SORCS2: variants seen among roughly 807,000 people sequenced by gnomAD.
SORCS2 encodes VPS10 domain-containing receptor SorCS2.
SORCS2 carries 100 observed loss-of-function variants against 141.6 expected under a neutral mutation model. The ratio of observed to expected loss-of-function variants is 0.71; its 90% CI spans 0.60 to 0.83. SORCS2 has a LOEUF of 0.83. Among genes scored for constraint, SORCS2 ranks in the 40% least tolerant of loss-of-function variants. The pLI, the probability that SORCS2 is intolerant of heterozygous loss-of-function variation, is 0.00. For synonymous variants in SORCS2, 789 were observed against 676.9 expected, an observed-to-expected ratio of 1.17 and a Z score of -2.57; for missense variants, 1,646 against 1,560.2, an observed-to-expected ratio of 1.05 and a Z score of -0.93.
At chr4:7,432,663 G>C (rs973743353) in intron 2 of SORCS2, 4 of 151,788 alleles carry the variant, frequency 2.6e-5, no homozygotes, top group African/African-American at 9.7e-5. Context: ...GGAGAGAGAG[G>C]GACCCTGTAG....
At chr4:7,724,510 G>T (rs968874398) in intron 19 of SORCS2, among the ~76,000 whole-genome samples, 4 of 141,056 alleles carry the variant, frequency 2.8e-5, no homozygotes, top group African/African-American at 8.2e-5. Context: ...AATGGTGGTG[G>T]TGATGGTGGT....
At chr4:7,291,360 C>T (rs943705639) in intron 1 of SORCS2, among the ~76,000 whole-genome samples, 2 of 152,130 alleles carry the variant, frequency 1.3e-5, no homozygotes, top group African/African-American at 4.8e-5. Context: ...GAGGAGTCCA[C>T]GCCTGGCCCA....
chr4:7,733,130 C>T (rs1353599574), intron 23 of SORCS2, among the ~76,000 whole-genome samples, 192 bp from the exon 24 acceptor site: 3 of 150,370 alleles, frequency 2.0e-5, no homozygotes, highest in Admixed American at 6.6e-5. Flanking sequence ...AGGGCCCTTC[C>T]TCCCCTTTCA....
intron 2 of SORCS2, among the ~76,000 whole-genome samples, chr4:7,400,520 T>C (rs1279680552): frequency 1.3e-5 from 2 of 151,910 alleles, no homozygotes; most frequent in African/African-American, 2.4e-5. Flanking sequence ...GATGCGAGGA[T>C]GGAGACCTGC....
intron 1 of SORCS2, among the ~76,000 whole-genome samples, chr4:7,215,728 G>A (rs1560116870): frequency 6.6e-6 from 1 of 152,194 alleles, no homozygotes; most frequent in Non-Finnish European, 1.5e-5. Context: ...GTTTGTGAGT[G>A]CACCAATGGA....
chr4:7,456,689 A>G (rs1188372686), intron 2 of SORCS2, among the ~76,000 whole-genome samples: 1 of 152,192 alleles, frequency 6.6e-6, no homozygotes, highest in Non-Finnish European at 1.5e-5. Context: ...TGCTCTGGGC[A>G]CAGAGGAGAT....
intron 2 of SORCS2, among the ~76,000 whole-genome samples, chr4:7,505,839 G>A (rs545747299): frequency 7.2e-4 from 110 of 152,298 alleles, no homozygotes; most frequent in African/African-American, 2.4e-3. Flanking sequence ...GATAATTGTC[G>A]CGGGGCCCTC....
chr4:7,477,868 C>T (rs549603082), intron 2 of SORCS2, among the ~76,000 whole-genome samples: 23 of 152,278 alleles, frequency 1.5e-4, no homozygotes, highest in Non-Finnish European at 2.4e-4. Context: ...CCAGAGTCCC[C>T]GAGTAGAGGG....
chr4:7,257,976 C>A (rs1714022564), intron 1 of SORCS2, among the ~76,000 whole-genome samples: 1 of 152,148 alleles, frequency 6.6e-6, no homozygotes, highest in Admixed American at 6.5e-5. Context: ...ACTGGCCAGC[C>A]CTGGCCCATG....
chr4:7,266,604 C>T (rs566049072), intron 1 of SORCS2, among the ~76,000 whole-genome samples: 1 of 152,338 alleles, frequency 6.6e-6, no homozygotes, highest in Admixed American at 6.5e-5. Flanking sequence ...GTCATCCATT[C>T]ATTCATCAAG....
chr4:7,562,271 G>T (rs1714646005), intron 3 of SORCS2, among the ~76,000 whole-genome samples: 1 of 152,128 alleles, frequency 6.6e-6, no homozygotes. Context: ...GAAAGAGGCT[G>T]CCCTGAGGAA....
chr4:7,565,343 T>G (rs59302779), intron 3 of SORCS2, among the ~76,000 whole-genome samples: 3,548 of 152,154 alleles, frequency 0.023, 135 homozygotes, highest in African/African-American at 0.081. Context: ...CAGAAGATGA[T>G]GAGGATAATG....
At chr4:7,405,820 G>A (rs1274109362) in intron 2 of SORCS2, among the ~76,000 whole-genome samples, 3 of 152,094 alleles carry the variant, frequency 2.0e-5, no homozygotes, top group African/African-American at 7.2e-5. Context: ...CAATTTGGAT[G>A]CCTTTCATTT....
chr4:7,547,255 A>G (rs1713334465), intron 3 of SORCS2, among the ~76,000 whole-genome samples: 1 of 152,120 alleles, frequency 6.6e-6, no homozygotes, highest in Non-Finnish European at 1.5e-5. Flanking sequence ...GCCAGCCCAC[A>G]CTACCTTCGC....
chr4:7,205,730 G>A (rs1727693806), intron 1 of SORCS2, among the ~76,000 whole-genome samples: 1 of 152,222 alleles, frequency 6.6e-6, no homozygotes, highest in African/African-American at 2.4e-5. Context: ...CAGGCAGAGA[G>A]AATCAGGAGC....
chr4:7,495,098 C>G (rs1172140656), intron 2 of SORCS2, among the ~76,000 whole-genome samples: 1 of 152,232 alleles, frequency 6.6e-6, no homozygotes, highest in Non-Finnish European at 1.5e-5. Context: ...CCTCTAGCAA[C>G]GGTGCCTGTC....
At chr4:7,701,730 C>G (rs1279189082) in intron 12 of SORCS2, among the ~76,000 whole-genome samples, 1 of 152,184 alleles carries the variant, frequency 6.6e-6, no homozygotes. Flanking sequence ...AGTCCATGTC[C>G]TCCCCAGGGC....
In SORCS2 at chr4:7,652,796, G is replaced by T. The variant is rs1721525331; in HGVS notation, c.814-1338G>T. Among the ~76,000 whole-genome samples, 2 of 152,082 alleles carry T rather than the reference G, an allele frequency of 1.3e-5. 1 individual carries two copies. Among genetic ancestry groups the T allele is most frequent in the South Asian group, 4.2e-4 (2 of 4,818 alleles). ...AACGCTGTCTGACCACGGACCCCCT[G>T]AGCGCCTCATCTTATCCGGCCTTGG... On this transcript the variant is annotated intron_variant, in intron 4 of 26. Transcript: ENST00000507866.
intron 3 of SORCS2, among the ~76,000 whole-genome samples, chr4:7,549,462 G>GGCCC: frequency 6.6e-6 from 1 of 152,088 alleles, no homozygotes; most frequent in East Asian, 1.9e-4. Flanking sequence ...CCAAGCCAGA[G>GGCCC]GCCCCTGAGG....
Sources: allele counts gnomAD v4.1 joint callset (sites outside exome capture counted in the v4.1 genomes callset), GRCh38; gene constraint gnomAD v4.1.1; transcripts MANE v1.5; gene names NCBI Gene and HGNC (gene_info 2026-07-23, HGNC 2026-07-21).